Variants in CCDC91 observed in about 807,000 individuals in gnomAD.
CCDC91 encodes the protein coiled-coil domain containing 91, also known as coiled-coil domain-containing protein 91.
CCDC91 carries 48 observed loss-of-function variants against 63.2 expected under a neutral mutation model. The observed-to-expected ratio is 0.76, with a 90% confidence interval of 0.60 to 0.97. The LOEUF is 0.97. Among genes scored for constraint, CCDC91 ranks in the 50% least tolerant of loss-of-function variants. The probability of loss-of-function intolerance (pLI) is 0.00; values close to 1 mark genes in which losing one functional copy is unlikely to be tolerated. For synonymous variants in CCDC91, 167 were observed against 165.8 expected (o/e 1.01, Z -0.06); for missense variants, 500 against 494.6 (o/e 1.01, Z -0.10).
At chr12:28,288,986 T>C (rs1215930569) in intron 3 of CCDC91, among the ~76,000 whole-genome samples, 1 of 152,218 alleles carries the variant, frequency 6.6e-6, no homozygotes, top group African/African-American at 2.4e-5. Flanking sequence ...GTTCATAATA[T>C]TCTCTAATGG....
At chr12:28,447,629 T>A (rs1368717084) in intron 8 of CCDC91, among the ~76,000 whole-genome samples, 2 of 146,680 alleles carry the variant, frequency 1.4e-5, no homozygotes, top group South Asian at 4.5e-4. Flanking sequence ...GGTGGGAGGA[T>A]CACATGAAGC....
rs1023152611 is a variant in CCDC91, at chr12:28,548,981, G to C, written c.1216-82G>C. The C allele has an allele frequency of 3.4e-6, 3 of 885,800 alleles. No individual in the cohort carries two copies. The African/African-American group carries it at 5.1e-5, about 15-fold the overall frequency. 54.9% of individuals were successfully genotyped at this position (885,800 alleles called of 1,614,324 possible). On this transcript the variant is annotated intron_variant, in intron 12 of 12. Transcript: ENST00000536442. ...CTCATCTGGAAAGTTTTTTCTAGTGGGCTTCAGAGACATAATATTCTTTAT... is the reference window on the plus strand; with the variant it reads ...CTCATCTGGAAAGTTTTTTCTAGTGCGCTTCAGAGACATAATATTCTTTAT...
chr12:28,499,433 T>G (rs1024440763), intron 12 of CCDC91, among the ~76,000 whole-genome samples: 2 of 151,820 alleles, frequency 1.3e-5, no homozygotes, highest in African/African-American at 4.8e-5. Flanking sequence ...GGTATACATG[T>G]GCCATAGTGG....
intron 8 of CCDC91, among the ~76,000 whole-genome samples, chr12:28,425,799 A>C (rs1392614596): frequency 6.6e-6 from 1 of 152,098 alleles, no homozygotes; most frequent in African/African-American, 2.4e-5. Context: ...TAGACATGCA[A>C]ATTCTGTGGT....
chr12:28,494,253 T>C (rs77512553), intron 12 of CCDC91, among the ~76,000 whole-genome samples: 2,324 of 151,750 alleles, frequency 0.015, 56 homozygotes, highest in African/African-American at 0.054. Context: ...TGTGCTATAG[T>C]ATGGACTAAC....
At chr12:28,533,580 A>ATAT (rs987516580) in intron 12 of CCDC91, among the ~76,000 whole-genome samples, 17 of 152,186 alleles carry the variant, frequency 1.1e-4, no homozygotes, top group Non-Finnish European at 2.4e-4. Context: ...GATAAAAAAT[A>ATAT]TATCTGTTTA....
intron 7 of CCDC91, among the ~76,000 whole-genome samples, chr12:28,383,884 T>G (rs1552760): frequency 0.41 from 62,541 of 151,998 alleles, 13,155 homozygotes; most frequent in Middle Eastern, 0.49. Flanking sequence ...GAAGCTCTTT[T>G]AAAATACATG....
At chr12:28,345,754 T>C (rs1443375370) in intron 6 of CCDC91, among the ~76,000 whole-genome samples, 1 of 152,162 alleles carries the variant, frequency 6.6e-6, no homozygotes, top group African/African-American at 2.4e-5. Flanking sequence ...TAACATACTT[T>C]ACAATATTTC....
intron 1 of CCDC91, among the ~76,000 whole-genome samples, chr12:28,227,049 G>C (rs1224028000): frequency 1.3e-5 from 2 of 152,132 alleles, no homozygotes; most frequent in Admixed American, 6.6e-5. Context: ...GCATAGAGGT[G>C]AAGTGCCATT....
At chr12:28,394,465 A>ACAAACAAAC (rs374954145) in intron 8 of CCDC91, among the ~76,000 whole-genome samples, 1 of 151,718 alleles carries the variant, frequency 6.6e-6, no homozygotes, top group African/African-American at 2.4e-5. Context: ...CTGTCTCAAA[A>ACAAACAAAC]AAACAAACAA....
At chr12:28,505,037 G>A (rs1490682085) in intron 12 of CCDC91, among the ~76,000 whole-genome samples, 4 of 151,826 alleles carry the variant, frequency 2.6e-5, no homozygotes, top group Non-Finnish European at 4.4e-5. Flanking sequence ...TAGTATCTGC[G>A]GAATGAACTA....
chr12:28,212,182 G>C (rs1209841736), intron 1 of CCDC91, among the ~76,000 whole-genome samples: 1 of 152,158 alleles, frequency 6.6e-6, no homozygotes, highest in African/African-American at 2.4e-5. Context: ...TAGAAGCTCT[G>C]CTTTGGATCC....
chr12:28,291,413 G>A (rs1307683505), intron 3 of CCDC91, among the ~76,000 whole-genome samples: 7 of 152,172 alleles, frequency 4.6e-5, no homozygotes, highest in Admixed American at 3.3e-4. Flanking sequence ...CCTTTCTGTT[G>A]ACCAGTGCTG....
At chr12:28,380,328 A>C (rs893509196) in intron 7 of CCDC91, among the ~76,000 whole-genome samples, 3 of 152,116 alleles carry the variant, frequency 2.0e-5, no homozygotes, top group African/African-American at 7.2e-5. Flanking sequence ...TATAATAATA[A>C]TAAAAAAGAT....
intron 3 of CCDC91, among the ~76,000 whole-genome samples, chr12:28,292,754 G>A (rs1949328395): frequency 6.6e-6 from 1 of 152,028 alleles, no homozygotes; most frequent in Non-Finnish European, 1.5e-5. Context: ...TCAGGTAGAC[G>A]TACATTGCCT....
At chr12:28,443,539 C>G (rs1219829787) in intron 8 of CCDC91, among the ~76,000 whole-genome samples, 3 of 151,874 alleles carry the variant, frequency 2.0e-5, no homozygotes, top group African/African-American at 7.3e-5. Flanking sequence ...AGAGGGTAAA[C>G]TTCTGTAAGG....
intron 8 of CCDC91, among the ~76,000 whole-genome samples, chr12:28,448,831 A>G (rs1388895755): frequency 2.0e-5 from 3 of 152,082 alleles, no homozygotes; most frequent in African/African-American, 7.2e-5. Context: ...CTGGTATAAT[A>G]TCTTTGTATA....
At chr12:28,456,333 T>C (rs1252869069) in intron 11 of CCDC91, among the ~76,000 whole-genome samples, 1 of 152,052 alleles carries the variant, frequency 6.6e-6, no homozygotes, top group African/African-American at 2.4e-5. Context: ...AGAAAAAGTT[T>C]GGGGTTATAT....
intron 3 of CCDC91, among the ~76,000 whole-genome samples, chr12:28,292,884 A>G (rs1253632746): frequency 6.6e-6 from 1 of 152,170 alleles, no homozygotes; most frequent in African/African-American, 2.4e-5. Context: ...TTTATGTACA[A>G]TAATACTTAC....
Sources: allele counts gnomAD v4.1 joint callset (sites outside exome capture counted in the v4.1 genomes callset), GRCh38; gene constraint gnomAD v4.1.1; transcripts MANE v1.5; gene names NCBI Gene and HGNC (gene_info 2026-07-23, HGNC 2026-07-21).